Variants in DUSP13B observed in about 807,000 individuals in gnomAD.
DUSP13B encodes the protein dual specificity protein phosphatase 13B.
the DUSP13B span, chr10:75,099,697 A>T: frequency 2.3e-6 from 1 of 431,098 alleles, no homozygotes; most frequent in Non-Finnish European, 3.6e-6. Flanking sequence ...GGTTCCATAA[A>T]CCTCCATGAA....
At chr10:75,101,347 T>A in the DUSP13B span, among the ~76,000 whole-genome samples, 1 of 152,220 alleles carries the variant, frequency 6.6e-6, no homozygotes, top group Non-Finnish European at 1.5e-5. Flanking sequence ...CACGTCTTAC[T>A]ATTATTATCA....
the DUSP13B span, chr10:75,102,043 A>G: frequency 6.3e-6 from 7 of 1,111,464 alleles, no homozygotes; most frequent in Non-Finnish European, 8.6e-6. Context: ...CAACTTGTCC[A>G]CTGGTTCCAT....
chr10:75,101,808 T>A, the DUSP13B span: 11 of 871,726 alleles, frequency 1.3e-5, no homozygotes, highest in Non-Finnish European at 1.9e-5. Context: ...CTGGCCCTCA[T>A]TACCCAGCAT....
At chr10:75,103,656 A>G in the DUSP13B span, among the ~76,000 whole-genome samples, 5 of 152,210 alleles carry the variant, frequency 3.3e-5, no homozygotes, top group African/African-American at 1.2e-4. Context: ...GGGCACACCC[A>G]TGCCTGCAGC....
the DUSP13B span, chr10:75,099,370 G>A: frequency 8.1e-7 from 1 of 1,232,252 alleles, no homozygotes; most frequent in Non-Finnish European, 1.0e-6. Flanking sequence ...TGAAGACCAA[G>A]CTGTCCTCCT....
Sources: allele counts gnomAD v4.1 joint callset (sites outside exome capture counted in the v4.1 genomes callset), GRCh38; gene constraint gnomAD v4.1.1; transcripts MANE v1.5; gene names NCBI Gene and HGNC (gene_info 2026-07-23, HGNC 2026-07-21).